The following CTIF variants were observed in gnomAD, a reference collection of about 807,000 sequenced individuals.
CTIF encodes CBP80/20-dependent translation initiation factor.
Under a neutral mutation model 66.0 loss-of-function variants are expected in CTIF, and 21 were observed. The observed-to-expected ratio is 0.32, with a 90% CI of 0.23 to 0.46. The LOEUF (loss-of-function observed/expected upper bound fraction) is 0.46. Among genes scored for constraint, CTIF ranks in the 20% least tolerant of loss-of-function variants. The probability of loss-of-function intolerance (pLI) is 1.00; values close to 1 mark genes in which losing one functional copy is unlikely to be tolerated. For missense variants in CTIF, 739 were observed against 812.7 expected (o/e 0.91, Z 1.10); for synonymous variants, 345 against 326.4 (o/e 1.06, Z -0.62).
At position 48,829,600 on chromosome 18, in the gene CTIF, G is replaced by A. The variant is rs1244099676; in HGVS notation, c.1527+12224G>A. The stretch of plus-strand genomic sequence containing the variant: ...CGCCTTGCCCAGCCTCCGTGCTCCA[G>A]CACAGGTGCCCTCCATCTAGCAGTT... On this transcript the variant is annotated intron_variant, in intron 10 of 11. Transcript: ENST00000256413. Among the ~76,000 whole-genome samples the A allele has an allele frequency of 2.4e-4, 36 of 152,220 alleles. 1 individual carries two copies. The highest frequency in any genetic ancestry group is 2.4e-3 in the Admixed American group (36 of 15,284).
intron 7 of CTIF, among the ~76,000 whole-genome samples, chr18:48,719,983 A>G (rs1007395591): frequency 2.0e-5 from 3 of 152,242 alleles, no homozygotes; most frequent in Non-Finnish European, 2.9e-5. Context: ...AACACATACA[A>G]AACGAGGTTA....
chr18:48,695,853 A>G (rs2145322245), intron 6 of CTIF, among the ~76,000 whole-genome samples: 1 of 152,304 alleles, frequency 6.6e-6, no homozygotes, highest in South Asian at 2.1e-4. Flanking sequence ...ATCGGGCAGG[A>G]CTGGAGGGGA....
intron 7 of CTIF, among the ~76,000 whole-genome samples, chr18:48,730,531 C>CCA (rs2092440188): frequency 1.5e-5 from 1 of 67,696 alleles, no homozygotes. Context: ...TGAGGGGCCC[C>CCA]TGTGGTGTGA....
intron 7 of CTIF, among the ~76,000 whole-genome samples, chr18:48,756,492 A>G (rs1908377994): frequency 6.6e-6 from 1 of 152,248 alleles, no homozygotes; most frequent in African/African-American, 2.4e-5. Context: ...TGTTCATAAC[A>G]TGCAATGCAA....
chr18:48,852,373 G>A (rs969063333), intron 10 of CTIF, among the ~76,000 whole-genome samples: 2 of 151,528 alleles, frequency 1.3e-5, no homozygotes, highest in African/African-American at 4.9e-5. Flanking sequence ...ACAGTCACAG[G>A]ACCCTCCCAG....
intron 1 of CTIF, among the ~76,000 whole-genome samples, chr18:48,606,957 GTATTTAT>G (rs1454027660): frequency 6.6e-6 from 1 of 152,070 alleles, no homozygotes; most frequent in African/African-American, 2.4e-5. Flanking sequence ...ATAAACACAG[GTATTTAT>G]TATCTTTTAT....
chr18:48,763,599 GGCAAACACTACA>G (rs1182294968), intron 9 of CTIF, among the ~76,000 whole-genome samples: 1 of 152,226 alleles, frequency 6.6e-6, no homozygotes, highest in Non-Finnish European at 1.5e-5. Context: ...GAGACAGTTT[GGCAAACACTACA>G]GCAGGGAAGA....
chr18:48,599,008 T>G (rs1381123723), intron 1 of CTIF, among the ~76,000 whole-genome samples: 2 of 151,862 alleles, frequency 1.3e-5, no homozygotes, highest in Non-Finnish European at 2.9e-5. Flanking sequence ...GCCGCCACCT[T>G]TGACCTGAAG....
intron 1 of CTIF, among the ~76,000 whole-genome samples, chr18:48,573,980 C>T (rs1361302350): frequency 6.6e-6 from 1 of 152,238 alleles, no homozygotes; most frequent in African/African-American, 2.4e-5. Flanking sequence ...CAGTGCTTGG[C>T]CATACAGGTC....
At chr18:48,605,576 G>A (rs2090186631) in intron 1 of CTIF, among the ~76,000 whole-genome samples, 1 of 152,256 alleles carries the variant, frequency 6.6e-6, no homozygotes, top group African/African-American at 2.4e-5. Context: ...ATTAACCACA[G>A]AAATAATGGG....
At chr18:48,568,760 C>T (rs547204271) in intron 1 of CTIF, among the ~76,000 whole-genome samples, 46 of 149,554 alleles carry the variant, frequency 3.1e-4, no homozygotes, top group Non-Finnish European at 3.8e-4. Flanking sequence ...TCTTACATGG[C>T]GGCAGGCAAA....
Position 48,862,075 on chromosome 18 carries a change from G to A in CTIF, c.*2516G>A, listed in dbSNP as rs1243112452. On this transcript the variant is annotated 3_prime_UTR_variant, in exon 12 of 12. Coordinates refer to ENST00000256413, the MANE Select transcript of CTIF (RefSeq NM_014772.3). ...CTATTTTTTTTTTAAAGAAACAACA[G>A]TCAAGCCTAAAATTTGAGACCCCGA... The A allele has an allele frequency of 6.6e-6, 1 of 151,040 alleles. No individual in the cohort carries two copies. The highest frequency in any genetic ancestry group is 1.5e-5 in the Non-Finnish European group (1 of 67,962). The allele number at this position is 151,040 out of a possible 1,614,324, so 9.4% of individuals were successfully genotyped here. A position where few individuals can be genotyped will look rare whatever the true frequency, so the allele number is the denominator to read the frequency against.
chr18:48,542,830 C>T (rs952421160), intron 1 of CTIF, among the ~76,000 whole-genome samples: 3 of 152,176 alleles, frequency 2.0e-5, no homozygotes, highest in Admixed American at 1.3e-4. Context: ...TGCAACCTCC[C>T]GGGAGGGCCC....
At chr18:48,803,354 A>G (rs1217549435) in intron 9 of CTIF, among the ~76,000 whole-genome samples, 1 of 152,206 alleles carries the variant, frequency 6.6e-6, no homozygotes, top group African/African-American at 2.4e-5. Flanking sequence ...TTTATTAATA[A>G]TAGTTAAAGG....
chr18:48,830,803 C>A (rs1421006749), intron 10 of CTIF, among the ~76,000 whole-genome samples: 1 of 151,870 alleles, frequency 6.6e-6, no homozygotes, highest in Non-Finnish European at 1.5e-5. Context: ...TCTTCATTGC[C>A]CTACTAGTGC....
intron 7 of CTIF, among the ~76,000 whole-genome samples, chr18:48,718,462 C>T (rs1346013259): frequency 6.6e-6 from 1 of 152,080 alleles, no homozygotes; most frequent in Non-Finnish European, 1.5e-5. Flanking sequence ...AACCCAAGTC[C>T]GAAGGCCAAG....
At chr18:48,784,204 CGAGCA>C (rs1424848334) in intron 9 of CTIF, among the ~76,000 whole-genome samples, 1 of 152,162 alleles carries the variant, frequency 6.6e-6, no homozygotes, top group East Asian at 1.9e-4. Context: ...CAGACGGCCC[CGAGCA>C]TCGAGAGGAG....
chr18:48,742,280 G>A (rs1297815833), intron 7 of CTIF, among the ~76,000 whole-genome samples: 3 of 152,324 alleles, frequency 2.0e-5, no homozygotes, highest in African/African-American at 4.8e-5. Flanking sequence ...GGGGAATGGC[G>A]TGGGTGCTCA....
In CTIF at chr18:48,649,767, GCAGCAGTATTTGCTGTT is replaced by G. The variant is rs541109753; in HGVS notation, c.252+13084_252+13100del. On this transcript the variant is annotated intron_variant, in intron 3 of 11. Coordinates refer to ENST00000256413, the MANE Select transcript of CTIF (RefSeq NM_014772.3). The stretch of plus-strand genomic sequence containing the variant: ...ACAAAGCTTCCAGAGGAATGATCAG[GCAGCAGTATTTGCTGTT>G]CTGCAATATTTGCTGTTCTGCAGTG... Among the ~76,000 whole-genome samples, 89 of 152,320 alleles carry G rather than the reference GCAGCAGTATTTGCTGTT, an allele frequency of 5.8e-4. 1 individual carries two copies. The East Asian group carries it at 0.017, about 29-fold the overall frequency.
Sources: allele counts gnomAD v4.1 joint callset (sites outside exome capture counted in the v4.1 genomes callset), GRCh38; gene constraint gnomAD v4.1.1; transcripts MANE v1.5; gene names NCBI Gene and HGNC (gene_info 2026-07-23, HGNC 2026-07-21).